Variants in TSPAN15 observed in about 807,000 individuals in gnomAD.
TSPAN15 encodes the protein tetraspanin-15.
In TSPAN15, 20 loss-of-function variants were observed where a neutral mutation model predicts 34.5. That is an observed-to-expected ratio of 0.58 (90% CI 0.41 to 0.84). The LOEUF (loss-of-function observed/expected upper bound fraction) is 0.84. Among genes scored for constraint, TSPAN15 ranks in the 40% least tolerant of loss-of-function variants. The pLI is 0.00. For missense variants in TSPAN15, 313 were observed against 386.1 expected (o/e 0.81, Z 1.59); for synonymous variants, 155 against 153.9 (o/e 1.01, Z -0.05).
chr10:69,506,817 C>G lies in TSPAN15; in HGVS notation c.736-12C>G. 1 of 1,568,470 alleles carries G rather than the reference C, an allele frequency of 6.4e-7. No homozygotes were observed. Among genetic ancestry groups the G allele is most frequent in the African/African-American group, 1.3e-5 (1 of 74,252 alleles). On this transcript the variant is annotated splice_polypyrimidine_tract_variant and intron_variant, in intron 7 of 7. Transcript: ENST00000373290. This position sits in a 1 kb window ranked among gnomAD's most constrained non-coding sequence, Gnocchi z 4.7. ...CCAGCAGGCCCTCACCAGCCCTGCC[C>G]CTTCTTCTCAGTTCCTGGGGGTGCT...
intron 1 of TSPAN15, among the ~76,000 whole-genome samples, chr10:69,471,477 T>C (rs963682025): frequency 6.6e-6 from 1 of 152,062 alleles, no homozygotes; most frequent in African/African-American, 2.4e-5. Flanking sequence ...GCCCACTCAG[T>C]TTTTGTGTCT....
At chr10:69,523,290 A>G in the TSPAN15 span, 1 of 411,430 alleles carries the variant, frequency 2.4e-6, no homozygotes, top group Non-Finnish European at 4.4e-6. Context: ...AAAACCCAGT[A>G]ATTAAACAAA....
At chr10:69,487,869 G>T (rs28529321) in intron 3 of TSPAN15, among the ~76,000 whole-genome samples, 1 of 152,194 alleles carries the variant, frequency 6.6e-6, no homozygotes. Context: ...GCTGTAGTCC[G>T]TGAAGGGTGC....
chr10:69,523,051 G>T, the TSPAN15 span, among the ~76,000 whole-genome samples: 2 of 147,678 alleles, frequency 1.4e-5, no homozygotes, highest in African/African-American at 4.9e-5. Flanking sequence ...TATAGTTTTA[G>T]CTCTTACATT....
rs1841603032 is a variant in TSPAN15 at position 69,475,823 on chromosome 10, A to T, written c.97-7868A>T. Among the ~76,000 whole-genome samples, 3 of 152,138 alleles carry T rather than the reference A, an allele frequency of 2.0e-5. No homozygotes were observed. In the South Asian group the frequency reaches 6.2e-4, roughly 31 times the overall value. Reference sequence around the variant, plus strand: ...TGAACTGATGAACCCAAGACGTTAGATGTCTTTCTCCAGCTCAGACACCAT... The same window carrying T: ...TGAACTGATGAACCCAAGACGTTAGTTGTCTTTCTCCAGCTCAGACACCAT... On this transcript the variant is annotated intron_variant, in intron 1 of 7. Transcript: ENST00000373290.
At chr10:69,520,486 A>G in the TSPAN15 span, among the ~76,000 whole-genome samples, 2 of 152,268 alleles carry the variant, frequency 1.3e-5, no homozygotes, top group Middle Eastern at 6.8e-3. Context: ...AGGGGACCCC[A>G]TCTCTACAAA....
At chr10:69,522,538 T>TAA in the TSPAN15 span, among the ~76,000 whole-genome samples, 11 of 146,434 alleles carry the variant, frequency 7.5e-5, no homozygotes, top group Non-Finnish European at 1.3e-4. Flanking sequence ...TACAGACAGG[T>TAA]ACTGGTCCAT....
At chr10:69,531,201 T>C in the TSPAN15 span, among the ~76,000 whole-genome samples, 1 of 147,544 alleles carries the variant, frequency 6.8e-6, no homozygotes, top group Non-Finnish European at 1.5e-5. Flanking sequence ...CAGAAGAGAC[T>C]GATGTAGTCA....
chr10:69,494,496 C>A, intron 3 of TSPAN15: 2 of 245,234 alleles, frequency 8.2e-6, no homozygotes, highest in Non-Finnish European at 1.3e-5. Context: ...AAAGAAGTAG[C>A]GGAGGCCCAG....
chr10:69,491,831 T>TA (rs761309299), intron 3 of TSPAN15, among the ~76,000 whole-genome samples: 1 of 152,068 alleles, frequency 6.6e-6, no homozygotes, highest in Non-Finnish European at 1.5e-5. Context: ...GCTGGCCTGG[T>TA]AGGAAGCTTT....
intron 4 of TSPAN15, among the ~76,000 whole-genome samples, chr10:69,496,875 G>A (rs1842097466): frequency 6.6e-6 from 1 of 152,240 alleles, no homozygotes; most frequent in South Asian, 2.1e-4. Flanking sequence ...GGAGTGAGAT[G>A]TTTTTATTGG....
chr10:69,539,635 AAC>A, the TSPAN15 span, among the ~76,000 whole-genome samples: 1 of 152,206 alleles, frequency 6.6e-6, no homozygotes, highest in Admixed American at 6.5e-5. Flanking sequence ...ACAGGGCTCC[AAC>A]CAGAGAGTGT....
In TSPAN15 at chr10:69,506,948, C is replaced by A; in HGVS notation, c.855C>A (p.Gly285=). 1.9e-6 allele frequency: 3 copies of A among 1,609,788 alleles called. No homozygotes were observed. The South Asian group carries it at 3.3e-5, about 18-fold the overall frequency. ...PGAKPSVEAA[G]TGCCLCYPN ...CCAAGCCCAGCGTGGAGGCGGCAGGCACGGGATGCTGCTTGTGCTACCCCA... is the reference window on the plus strand; with the variant it reads ...CCAAGCCCAGCGTGGAGGCGGCAGGAACGGGATGCTGCTTGTGCTACCCCA... Residue 285 remains glycine (G), a synonymous_variant, in exon 8 of 8, where the codon GGC becomes GGA. Coordinates refer to ENST00000373290, the MANE Select transcript of TSPAN15 (RefSeq NM_012339.5). This position sits in a 1 kb window ranked among gnomAD's most constrained non-coding sequence, Gnocchi z 4.7.
At chr10:69,518,037 T>G in the TSPAN15 span, among the ~76,000 whole-genome samples, 1 of 152,240 alleles carries the variant, frequency 6.6e-6, no homozygotes, top group South Asian at 2.1e-4. Flanking sequence ...CTTCCTCAGT[T>G]CTACATTGCA....
the TSPAN15 span, among the ~76,000 whole-genome samples, chr10:69,516,424 T>C: frequency 0.045 from 6,816 of 152,286 alleles, 212 homozygotes; most frequent in Middle Eastern, 0.075. Flanking sequence ...CAGCAGTGCC[T>C]CCACCTGGGC....
In TSPAN15 at chr10:69,455,622, CTCT is replaced by C. The variant is rs531015265; in HGVS notation, c.96+3933_96+3935del. ...TTTCTTTCTTTCTCTCTCTCTCTCTCTCTCCCCCCCCCGTCTCTTTCTTTCTTC... is the reference window on the plus strand; with the variant it reads ...TTTCTTTCTTTCTCTCTCTCTCTCTCCCCCCCCCCGTCTCTTTCTTTCTTC... On this transcript the variant is annotated intron_variant, in intron 1 of 7. Coordinates refer to ENST00000373290, the MANE Select transcript of TSPAN15 (RefSeq NM_012339.5). 3.1e-4 allele frequency among the ~76,000 whole-genome samples: 28 copies of C among 90,648 alleles called. 1 individual carries two copies. Among genetic ancestry groups the C allele is most frequent in the African/African-American group, 8.6e-4 (19 of 22,206 alleles). The allele number at this position is 90,648 out of a possible 152,430, so 59.5% of individuals were successfully genotyped here. A position where few individuals can be genotyped will look rare whatever the true frequency, so the allele number is the denominator to read the frequency against.
At chr10:69,474,169 C>A (rs1261042106) in intron 1 of TSPAN15, among the ~76,000 whole-genome samples, 3 of 150,466 alleles carry the variant, frequency 2.0e-5, no homozygotes, top group Non-Finnish European at 4.4e-5. Context: ...CTCCCCCCAC[C>A]TGCTCTCCCC....
At chr10:69,514,182 T>C in the TSPAN15 span, among the ~76,000 whole-genome samples, 1 of 152,276 alleles carries the variant, frequency 6.6e-6, no homozygotes, top group Non-Finnish European at 1.5e-5. Context: ...TTTCATTCAT[T>C]TTCACATGCT....
At chr10:69,475,004 C>T (rs1287325215) in intron 1 of TSPAN15, among the ~76,000 whole-genome samples, 1 of 152,174 alleles carries the variant, frequency 6.6e-6, no homozygotes, top group Non-Finnish European at 1.5e-5. Flanking sequence ...TCACCAGACA[C>T]CATTACCCAT....
Sources: gnomAD v4.1 joint callset for allele counts (sites outside exome capture counted in the v4.1 genomes callset) on GRCh38, gnomAD v4.1.1 for gene constraint, Gnocchi (gnomAD v3.1) non-coding constraint, MANE v1.5 for transcripts, NCBI Gene and HGNC (gene_info 2026-07-23, HGNC 2026-07-21) for gene names.